Variants in REEP1 observed in about 807,000 individuals in gnomAD.
REEP1 encodes receptor expression-enhancing protein 1.
Under a neutral mutation model 40.3 loss-of-function variants are expected in REEP1, and 22 were observed. The ratio of observed to expected loss-of-function variants is 0.55; its 90% CI spans 0.39 to 0.78. The LOEUF (loss-of-function observed/expected upper bound fraction) is 0.78. Ranked by LOEUF, REEP1 falls within the 30% of genes least tolerant of loss-of-function variation. REEP1 has a pLI of 0.00. For missense variants in REEP1, 280 were observed against 361.1 expected (o/e 0.78, Z 1.82); for synonymous variants, 116 against 139.2 (o/e 0.83, Z 1.17).
At chr2:86,305,882 C>T (rs990479669) in intron 1 of REEP1, among the ~76,000 whole-genome samples, 3 of 152,312 alleles carry the variant, frequency 2.0e-5, no homozygotes, top group South Asian at 2.1e-4. Flanking sequence ...GCTCACCTAG[C>T]GCCTCACTGC....
intron 3 of REEP1, among the ~76,000 whole-genome samples, chr2:86,260,481 T>C (rs144610379): frequency 3.6e-4 from 55 of 152,214 alleles, no homozygotes; most frequent in African/African-American, 1.3e-3. Context: ...CAAGATGTAA[T>C]GAAGGTTACT....
At chr2:86,313,977 T>C (rs1342436354) in intron 1 of REEP1, among the ~76,000 whole-genome samples, 3 of 152,216 alleles carry the variant, frequency 2.0e-5, no homozygotes, top group African/African-American at 7.2e-5. Context: ...ACAAGCAACA[T>C]GCAGGCTGAT....
At chr2:86,310,534 C>T (rs771286751) in intron 1 of REEP1, among the ~76,000 whole-genome samples, 22 of 152,114 alleles carry the variant, frequency 1.4e-4, no homozygotes, top group Non-Finnish European at 2.4e-4. Flanking sequence ...TCAGAACATA[C>T]CCCTATTATT....
intron 2 of REEP1, among the ~76,000 whole-genome samples, chr2:86,271,452 TG>T (rs1677444402): frequency 6.6e-6 from 1 of 152,016 alleles, no homozygotes; most frequent in South Asian, 2.1e-4. Context: ...GACTTTTCAT[TG>T]GAAAAAATGA....
intron 5 of REEP1, among the ~76,000 whole-genome samples, chr2:86,243,259 G>A (rs1368584536): frequency 1.3e-5 from 2 of 152,102 alleles, no homozygotes; most frequent in African/African-American, 4.8e-5. Context: ...AGAGGAGAAC[G>A]AGGAGGTGCC....
At chr2:86,282,327 C>A (rs1023382624) in intron 1 of REEP1, 85 bp from the exon 2 acceptor site, 3 of 1,013,396 alleles carry the variant, frequency 3.0e-6, no homozygotes, top group Non-Finnish European at 4.7e-6. Flanking sequence ...CCAAGAGCAA[C>A]TCTCTAAGCT....
chr2:86,264,059 A>G lies in REEP1; in HGVS notation c.106-18T>C. On this transcript the variant is annotated intron_variant, in intron 2 of 8. Transcript: ENST00000538924. ...CATTTGACCTGTTGAAACAGAAAGC[A>G]ACACAGCTGGTAGAAAAGGTCCAGG... 2 of 1,598,292 alleles carry G rather than the reference A, an allele frequency of 1.3e-6. No individual in the cohort carries two copies. The highest frequency in any genetic ancestry group is 1.7e-6 in the Non-Finnish European group (2 of 1,165,594).
intron 1 of REEP1, among the ~76,000 whole-genome samples, chr2:86,297,499 G>A (rs984790532): frequency 1.3e-5 from 2 of 152,264 alleles, no homozygotes; most frequent in Non-Finnish European, 2.9e-5. Context: ...CACTGGAAGG[G>A]CTGACATAGG....
At chr2:86,292,854 T>C (rs529343022) in intron 1 of REEP1, among the ~76,000 whole-genome samples, 2 of 152,226 alleles carry the variant, frequency 1.3e-5, no homozygotes, top group East Asian at 3.9e-4. Flanking sequence ...ACACAGCAGG[T>C]ACTGATGTCC....
At chr2:86,284,324 T>C (rs1678267981) in intron 1 of REEP1, among the ~76,000 whole-genome samples, 1 of 118,450 alleles carries the variant, frequency 8.4e-6, no homozygotes, top group African/African-American at 3.1e-5. Flanking sequence ...CTTGGTCAGC[T>C]CAGGGTGCGT....
At position 86,215,645 on chromosome 2, in the gene REEP1, CAGTG is replaced by C. The variant is rs1674070900; in HGVS notation, c.*1390_*1393del. 1 of 152,630 alleles carries C rather than the reference CAGTG, an allele frequency of 6.6e-6. No homozygotes were observed. The highest frequency in any genetic ancestry group is 1.5e-5 in the Non-Finnish European group (1 of 68,036). 9.5% of individuals were successfully genotyped at this position (152,630 alleles called of 1,614,324 possible). A position where few individuals can be genotyped will look rare whatever the true frequency, so the allele number is the denominator to read the frequency against. Reference sequence around the variant, plus strand: ...TATTCTTATATTTCGGCTCAGCTCTCAGTGGGGAGAGCAGCTACCTCGGACCACA... The same window carrying C: ...TATTCTTATATTTCGGCTCAGCTCTCGGGAGAGCAGCTACCTCGGACCACA... On this transcript the variant is annotated 3_prime_UTR_variant, in exon 9 of 9. Transcript: ENST00000538924.
chr2:86,262,274 G>A (rs1435073433), intron 3 of REEP1, among the ~76,000 whole-genome samples: 1 of 152,008 alleles, frequency 6.6e-6, no homozygotes, highest in Non-Finnish European at 1.5e-5. Flanking sequence ...TTCATTTCCT[G>A]ATGCAGCTCT....
At chr2:86,227,493 T>A (rs1419184438) in intron 6 of REEP1, 95 bp from the exon 7 acceptor site, 2 of 1,019,882 alleles carry the variant, frequency 2.0e-6, no homozygotes, top group African/African-American at 3.3e-5. Flanking sequence ...GGTGTGGGGA[T>A]CCCAGTGTGT....
At chr2:86,222,002 T>G (rs1203287544) in intron 7 of REEP1, among the ~76,000 whole-genome samples, 2 of 152,132 alleles carry the variant, frequency 1.3e-5, no homozygotes, top group Admixed American at 6.5e-5. Context: ...CCTCTGCATA[T>G]GCTGTACCCT....
Position 86,227,347 on chromosome 2 carries a change from C to T in REEP1, c.631+16G>A. ...GAGAGTCCAGCACGCTGCGGAGAGGCTGGCTGCTTACTCACCTTTCCAGGT... is the reference window on the plus strand; with the variant it reads ...GAGAGTCCAGCACGCTGCGGAGAGGTTGGCTGCTTACTCACCTTTCCAGGT... On this transcript the variant is annotated intron_variant, in intron 7 of 8. Transcript: ENST00000538924. The T allele has an allele frequency of 1.6e-6, 2 of 1,232,314 alleles. No individual in the cohort carries two copies. Among genetic ancestry groups the T allele is most frequent in the Non-Finnish European group, 1.0e-6 (1 of 988,098 alleles). The allele number at this position is 1,232,314 out of a possible 1,614,324, so 76.3% of individuals were successfully genotyped here. A position where few individuals can be genotyped will look rare whatever the true frequency, so the allele number is the denominator to read the frequency against.
chr2:86,263,409 A>AT (rs571574279), intron 3 of REEP1, among the ~76,000 whole-genome samples: 4,154 of 150,322 alleles, frequency 0.028, 192 homozygotes, highest in African/African-American at 0.094. Context: ...ATTTTTTTGT[A>AT]TTTTTTTTTA....
In REEP1 at chr2:86,337,600, T is replaced by G; in HGVS notation, c.-90A>C. ...TGCTGCGGCGTTCCCGGAACGTCAGTCAGCTCACGGCAGCCGCCGCCAGAC... is the reference window on the plus strand; with the variant it reads ...TGCTGCGGCGTTCCCGGAACGTCAGGCAGCTCACGGCAGCCGCCGCCAGAC... On this transcript the variant is annotated 5_prime_UTR_variant, in exon 1 of 9. Transcript: ENST00000538924. This position sits in a 1 kb window ranked among gnomAD's most constrained non-coding sequence, Gnocchi z 5.8. The G allele has an allele frequency of 8.7e-7, 1 of 1,154,484 alleles. No individual in the cohort carries two copies. The highest frequency in any genetic ancestry group is 1.1e-6 in the Non-Finnish European group (1 of 939,820). 71.5% of individuals were successfully genotyped at this position (1,154,484 alleles called of 1,614,324 possible).
chr2:86,313,179 A>C (rs1679842408), intron 1 of REEP1, among the ~76,000 whole-genome samples: 1 of 152,060 alleles, frequency 6.6e-6, no homozygotes, highest in South Asian at 2.1e-4. Context: ...GCACAATCAC[A>C]GCTCACTGCA....
chr2:86,259,645 C>T (rs898076898), intron 3 of REEP1, among the ~76,000 whole-genome samples: 1 of 152,098 alleles, frequency 6.6e-6, no homozygotes, highest in African/African-American at 2.4e-5. Context: ...GCCTCGGCCT[C>T]CCAAAGTGCT....
Sources: gnomAD v4.1 joint callset for allele counts (sites outside exome capture counted in the v4.1 genomes callset) on GRCh38, gnomAD v4.1.1 for gene constraint, Gnocchi (gnomAD v3.1) non-coding constraint, MANE v1.5 for transcripts, NCBI Gene and HGNC (gene_info 2026-07-23, HGNC 2026-07-21) for gene names.